The following MARCHF1 variants were observed in gnomAD, a reference collection of about 807,000 sequenced individuals.
The protein encoded by MARCHF1 is E3 ubiquitin-protein ligase MARCHF1.
A neutral mutation model predicts 54.2 loss-of-function variants in MARCHF1; 40 were observed. The ratio of observed to expected loss-of-function variants is 0.74; its 90% confidence interval spans 0.57 to 0.96. The LOEUF (loss-of-function observed/expected upper bound fraction) is 0.96, where lower values mean the gene tolerates loss of function less well. Ranked by LOEUF, MARCHF1 falls within the 40% of genes least tolerant of loss-of-function variation. The probability of loss-of-function intolerance (pLI) is 0.00; values close to 1 mark genes in which losing one functional copy is unlikely to be tolerated. For synonymous variants in MARCHF1, 236 were observed against 236.3 expected (o/e 1.00, Z 0.01); for missense variants, 586 against 656.5 (o/e 0.89, Z 1.17).
chr4:164,346,644 A>G (rs1337675390), intron 1 of MARCHF1, among the ~76,000 whole-genome samples: 40 of 29,262 alleles, frequency 1.4e-3, no homozygotes, highest in Middle Eastern at 0.015. Context: ...ATATATATAT[A>G]TATATATATA....
At chr4:163,817,374 T>A (rs1748567594) in intron 4 of MARCHF1, among the ~76,000 whole-genome samples, 1 of 151,930 alleles carries the variant, frequency 6.6e-6, no homozygotes, top group Admixed American at 6.6e-5. Context: ...TACATATACA[T>A]ACATATATAC....
chr4:163,855,163 T>C (rs1749738490), intron 3 of MARCHF1, among the ~76,000 whole-genome samples: 1 of 152,102 alleles, frequency 6.6e-6, no homozygotes, highest in Non-Finnish European at 1.5e-5. Flanking sequence ...TTAATCTAAA[T>C]GACAAAATAC....
At chr4:164,344,203 G>A (rs568967911) in intron 1 of MARCHF1, among the ~76,000 whole-genome samples, 188 of 152,176 alleles carry the variant, frequency 1.2e-3, no homozygotes, top group African/African-American at 4.4e-3. Context: ...GAAGGGAACA[G>A]CAGACACCAG....
At chr4:164,235,543 A>C (rs779863161) in intron 1 of MARCHF1, among the ~76,000 whole-genome samples, 3 of 152,124 alleles carry the variant, frequency 2.0e-5, no homozygotes, top group Non-Finnish European at 2.9e-5. Context: ...TACAGGAACT[A>C]TTAGTGAAGA....
At chr4:163,718,238 C>T (rs1036377981) in intron 4 of MARCHF1, among the ~76,000 whole-genome samples, 3 of 151,982 alleles carry the variant, frequency 2.0e-5, no homozygotes, top group South Asian at 4.1e-4. Context: ...AGGACATAGG[C>T]GTGGGCAAGG....
chr4:163,562,153 C>G (rs1739490212), intron 8 of MARCHF1, among the ~76,000 whole-genome samples: 2 of 152,038 alleles, frequency 1.3e-5, no homozygotes, highest in Admixed American at 6.6e-5. Context: ...AAAAATTAGC[C>G]AGGCGTGGTG....
chr4:164,306,705 A>G (rs1242042924), intron 1 of MARCHF1, among the ~76,000 whole-genome samples: 1 of 152,212 alleles, frequency 6.6e-6, no homozygotes, highest in South Asian at 2.1e-4. Flanking sequence ...GATTCAGCGC[A>G]CATACAGAAA....
intron 4 of MARCHF1, among the ~76,000 whole-genome samples, chr4:163,759,829 T>G (rs922384357): frequency 6.6e-6 from 1 of 152,218 alleles, no homozygotes; most frequent in Admixed American, 6.5e-5. Context: ...AACTGCACAT[T>G]TATTCCTATT....
intron 8 of MARCHF1, among the ~76,000 whole-genome samples, chr4:163,581,815 T>G (rs1740242605): frequency 6.6e-6 from 1 of 152,218 alleles, no homozygotes; most frequent in Non-Finnish European, 1.5e-5. Flanking sequence ...TTTTCACTAT[T>G]TTTGATCTAC....
chr4:164,052,216 C>A (rs916422541), intron 2 of MARCHF1, among the ~76,000 whole-genome samples: 2 of 150,712 alleles, frequency 1.3e-5, no homozygotes, highest in African/African-American at 4.9e-5. Flanking sequence ...TTATGCCTCT[C>A]AAATCAGAAT....
At chr4:163,993,280 T>C (rs1234416706) in intron 2 of MARCHF1, among the ~76,000 whole-genome samples, 1 of 152,154 alleles carries the variant, frequency 6.6e-6, no homozygotes, top group Non-Finnish European at 1.5e-5. Context: ...TCTAAAATGC[T>C]TGTATGTTTA....
intron 1 of MARCHF1, among the ~76,000 whole-genome samples, chr4:164,323,623 A>AT (rs1735200072): frequency 6.9e-6 from 1 of 145,476 alleles, no homozygotes. Flanking sequence ...AAAAAAAAAA[A>AT]GCAGCATGAG....
chr4:163,854,232 T>C (rs2111170687), intron 3 of MARCHF1, 63 bp from the exon 4 acceptor site: 1 of 1,231,298 alleles, frequency 8.1e-7, no homozygotes, highest in Non-Finnish European at 1.1e-6. Flanking sequence ...GGAAAATACA[T>C]ATAATCAAAA....
chr4:163,905,190 C>T (rs889719267), intron 3 of MARCHF1, among the ~76,000 whole-genome samples: 1 of 151,966 alleles, frequency 6.6e-6, no homozygotes, highest in African/African-American at 2.4e-5. Flanking sequence ...GCATAATGAA[C>T]AGTATTATAC....
Position 163,918,293 on chromosome 4 carries a change from T to C in MARCHF1, c.-38-64124A>G, listed in dbSNP as rs546744260. On this transcript the variant is annotated intron_variant, in intron 3 of 9. Coordinates refer to ENST00000514618, the MANE Select transcript of MARCHF1 (RefSeq NM_001394959.1). ...CTTTTGAGTTGCAAAGACTTGCCTG[T>C]ATATTTTGGATGCAAATTCTTTATT... 2.0e-5 allele frequency among the ~76,000 whole-genome samples: 3 copies of C among 152,274 alleles called. No homozygotes were observed. The South Asian group carries it at 6.2e-4, about 32-fold the overall frequency.
intron 3 of MARCHF1, among the ~76,000 whole-genome samples, chr4:163,890,756 G>A (rs975008875): frequency 4.6e-5 from 7 of 152,018 alleles, no homozygotes; most frequent in African/African-American, 1.7e-4. Flanking sequence ...CAATCTGCCT[G>A]CCTTGGCCTC....
chr4:163,768,029 A>T (rs1747041337), intron 4 of MARCHF1, among the ~76,000 whole-genome samples: 1 of 151,854 alleles, frequency 6.6e-6, no homozygotes, highest in Admixed American at 6.6e-5. Context: ...GAAAGAGTGC[A>T]TTTTTTTTAT....
chr4:164,134,989 A>T (rs1316234435), intron 1 of MARCHF1, among the ~76,000 whole-genome samples: 1 of 152,196 alleles, frequency 6.6e-6, no homozygotes, highest in Non-Finnish European at 1.5e-5. Context: ...CTTCCTTCAC[A>T]TTTTATTTTG....
chr4:163,642,260 G>A (rs990566378), intron 5 of MARCHF1, among the ~76,000 whole-genome samples: 24 of 152,018 alleles, frequency 1.6e-4, no homozygotes, highest in Non-Finnish European at 4.4e-5. Flanking sequence ...GCTCCCCAGG[G>A]GAAAAGACAG....
Sources: allele counts gnomAD v4.1 joint callset (sites outside exome capture counted in the v4.1 genomes callset), GRCh38; gene constraint gnomAD v4.1.1; transcripts MANE v1.5; gene names NCBI Gene and HGNC (gene_info 2026-07-23, HGNC 2026-07-21).